Variants in BTBD9 observed in about 807,000 individuals in gnomAD.
BTBD9 encodes the protein BTB/POZ domain-containing protein 9.
A neutral mutation model predicts 64.3 loss-of-function variants in BTBD9; 49 were observed. The observed-to-expected ratio is 0.76, with a 90% CI of 0.61 to 0.97. BTBD9 has a LOEUF of 0.97. Among genes scored for constraint, BTBD9 ranks in the 50% least tolerant of loss-of-function variants. The pLI is 0.00. For missense variants in BTBD9, 598 were observed against 762.1 expected, an observed-to-expected ratio of 0.78 and a Z score of 2.53; for synonymous variants, 260 against 274.7, an observed-to-expected ratio of 0.95 and a Z score of 0.53.
chr6:38,516,502 A>G (rs1437918174), intron 6 of BTBD9, among the ~76,000 whole-genome samples: 2 of 152,182 alleles, frequency 1.3e-5, no homozygotes, highest in Non-Finnish European at 2.9e-5. Context: ...TTGAAGGGCT[A>G]CCTGGTCGCA....
intron 9 of BTBD9, among the ~76,000 whole-genome samples, chr6:38,241,684 T>G (rs1408046461): frequency 6.6e-6 from 1 of 152,222 alleles, no homozygotes; most frequent in Non-Finnish European, 1.5e-5. Flanking sequence ...AGTACATAAT[T>G]TATAACACCA....
chr6:38,494,580 A>T (rs1771863497), intron 6 of BTBD9, among the ~76,000 whole-genome samples: 1 of 152,214 alleles, frequency 6.6e-6, no homozygotes, highest in Admixed American at 6.5e-5. Flanking sequence ...CATCATGATG[A>T]GTACATATGG....
Position 38,580,399 on chromosome 6 carries a change from G to A in BTBD9, c.853C>T (p.Gln285Ter). 1 of 1,613,996 alleles carries A rather than the reference G, an allele frequency of 6.2e-7. No homozygotes were observed. The highest frequency in any genetic ancestry group is 8.5e-7 in the Non-Finnish European group (1 of 1,179,990). Residue 285 changes from glutamine (Q) to a stop codon, truncating the protein, a stop_gained, in exon 5 of 11, where the codon CAA becomes TAA. Coordinates refer to ENST00000481247, the MANE Select transcript of BTBD9 (RefSeq NM_001099272.2). LOFTEE classifies it high-confidence loss of function. ...ENIATMKYGA[Q>*]VVKGELKSAL... is the part of the protein sequence containing the mutation. The stretch of plus-strand genomic sequence containing the variant: ...GATTTCAGCTCCCCCTTTACAACTT[G>A]GGCTCCATACTTCATAGTTGCAATG...
At chr6:38,450,789 T>A (rs971869203) in intron 6 of BTBD9, among the ~76,000 whole-genome samples, 2 of 152,256 alleles carry the variant, frequency 1.3e-5, no homozygotes, top group Admixed American at 1.3e-4. Context: ...ACTCTCTGGG[T>A]TCCGTGACTC....
chr6:38,378,175 A>G (rs1765772274), intron 6 of BTBD9, among the ~76,000 whole-genome samples: 1 of 152,046 alleles, frequency 6.6e-6, no homozygotes, highest in Non-Finnish European at 1.5e-5. Context: ...TTATACAGCA[A>G]TATAGCTAAC....
intron 6 of BTBD9, among the ~76,000 whole-genome samples, chr6:38,422,457 A>T (rs1034741501): frequency 6.6e-6 from 1 of 152,168 alleles, no homozygotes; most frequent in Admixed American, 6.5e-5. Flanking sequence ...TTTTTTAAAA[A>T]AAGTTTATGT....
intron 9 of BTBD9, among the ~76,000 whole-genome samples, chr6:38,220,185 G>A (rs944584742): frequency 1.3e-5 from 2 of 152,156 alleles, no homozygotes; most frequent in African/African-American, 4.8e-5. Flanking sequence ...GATGGTGAGC[G>A]TGCCCTCTCA....
At chr6:38,605,651 C>A (rs775533805) in intron 1 of BTBD9, among the ~76,000 whole-genome samples, 2 of 152,098 alleles carry the variant, frequency 1.3e-5, no homozygotes, top group Non-Finnish European at 2.9e-5. Context: ...CTTATCTACA[C>A]AACTTTTTGT....
intron 2 of BTBD9, 98 bp from the exon 3 acceptor site, chr6:38,594,425 T>G: frequency 7.2e-7 from 1 of 1,384,838 alleles, no homozygotes; most frequent in Non-Finnish European, 9.5e-7. Context: ...AATATAAATT[T>G]TTTTAATGAC....
rs181880975 is a variant in BTBD9 at position 38,284,279 on chromosome 6, C to A, written c.1454+3993G>T. On this transcript the variant is annotated intron_variant, in intron 8 of 10. Coordinates refer to ENST00000481247, the MANE Select transcript of BTBD9 (RefSeq NM_001099272.2). ...CCTTTGGTGTGTTCATGCTCATCAT[C>A]CCCGCTCTGAGTCAGGAAAAGAAAA... Among the ~76,000 whole-genome samples the A allele has an allele frequency of 8.9e-3, 1,362 of 152,224 alleles. 8 individuals carry two copies. Among genetic ancestry groups the A allele is most frequent in the Non-Finnish European group, 0.014 (972 of 68,016 alleles).
intron 6 of BTBD9, among the ~76,000 whole-genome samples, chr6:38,566,686 T>C (rs1357049406): frequency 3.9e-5 from 6 of 152,238 alleles, no homozygotes; most frequent in Non-Finnish European, 8.8e-5. Flanking sequence ...TTGTAGTCTA[T>C]TGTTTTGTGT....
At chr6:38,316,210 G>C (rs1763023916) in intron 7 of BTBD9, among the ~76,000 whole-genome samples, 1 of 152,230 alleles carries the variant, frequency 6.6e-6, no homozygotes, top group East Asian at 1.9e-4. Context: ...TATATGTGAA[G>C]TGTGTTATGT....
chr6:38,248,093 C>T (rs1017161240), intron 9 of BTBD9, among the ~76,000 whole-genome samples: 4 of 152,006 alleles, frequency 2.6e-5, no homozygotes, highest in Non-Finnish European at 5.9e-5. Flanking sequence ...TTTCTTCTTC[C>T]GTAATTCTTT....
chr6:38,482,840 C>T (rs1771219688), intron 6 of BTBD9, among the ~76,000 whole-genome samples: 1 of 152,180 alleles, frequency 6.6e-6, no homozygotes, highest in Non-Finnish European at 1.5e-5. Context: ...AAGGCACAAG[C>T]ACTGTCAACA....
At chr6:38,296,035 G>A (rs557392879) in intron 7 of BTBD9, among the ~76,000 whole-genome samples, 3 of 152,136 alleles carry the variant, frequency 2.0e-5, no homozygotes, top group Admixed American at 1.3e-4. Flanking sequence ...GCAACAAAGC[G>A]AGACTCTGTC....
intron 6 of BTBD9, among the ~76,000 whole-genome samples, chr6:38,371,547 C>A (rs572863315): frequency 6.6e-6 from 1 of 152,142 alleles, no homozygotes; most frequent in African/African-American, 2.4e-5. Context: ...ACAGGGTGAA[C>A]GAGATGGATG....
At chr6:38,187,130 A>G (rs187751601) in intron 10 of BTBD9, among the ~76,000 whole-genome samples, 6 of 152,346 alleles carry the variant, frequency 3.9e-5, no homozygotes, top group Admixed American at 1.3e-4. Context: ...GAGACCCCGC[A>G]CATCAGAACC....
chr6:38,534,635 T>C (rs1236301491), intron 6 of BTBD9, among the ~76,000 whole-genome samples: 2 of 151,960 alleles, frequency 1.3e-5, no homozygotes, highest in Admixed American at 1.3e-4. Context: ...AACAAAATAC[T>C]AGCAAAAGGA....
intron 6 of BTBD9, among the ~76,000 whole-genome samples, chr6:38,368,130 G>A (rs1280760916): frequency 6.6e-6 from 1 of 152,046 alleles, no homozygotes; most frequent in Non-Finnish European, 1.5e-5. Context: ...CTGCCTTAAG[G>A]AAGCTTTTAA....
Sources: gnomAD v4.1 joint callset for allele counts (sites outside exome capture counted in the v4.1 genomes callset) on GRCh38, gnomAD v4.1.1 for gene constraint, MANE v1.5 for transcripts, NCBI Gene and HGNC (gene_info 2026-07-23, HGNC 2026-07-21) for gene names.